Variants in KIF13A observed in about 807,000 individuals in gnomAD.
The protein encoded by KIF13A is kinesin family member 13A, also known as kinesin-like protein KIF13A.
In KIF13A, 79 loss-of-function variants were observed where a neutral mutation model predicts 212.2. The ratio of observed to expected loss-of-function variants is 0.37; its 90% confidence interval spans 0.31 to 0.45. The LOEUF is 0.45. Among genes scored for constraint, KIF13A ranks in the 20% least tolerant of loss-of-function variants. The pLI, the probability that KIF13A is intolerant of heterozygous loss-of-function variation, is 1.00. For missense variants in KIF13A, 1,901 were observed against 2,209.0 expected, an observed-to-expected ratio of 0.86 and a Z score of 2.79; for synonymous variants, 789 against 808.6, an observed-to-expected ratio of 0.98 and a Z score of 0.41.
intron 2 of KIF13A, among the ~76,000 whole-genome samples, chr6:17,931,442 T>C (rs953180141): frequency 6.6e-6 from 1 of 150,686 alleles, no homozygotes; most frequent in African/African-American, 2.4e-5. Context: ...TTTAGCACCA[T>C]GTAGTAAAAT....
chr6:17,915,468 C>T lies in KIF13A; in HGVS notation c.147-17288G>A, dbSNP rs1414955161. Among the ~76,000 whole-genome samples the T allele has an allele frequency of 6.6e-6, 1 of 152,212 alleles. No individual in the cohort carries two copies. Among genetic ancestry groups the T allele is most frequent in the Non-Finnish European group, 1.5e-5 (1 of 68,046 alleles). On this transcript the variant is annotated intron_variant, in intron 2 of 38. Transcript: ENST00000259711. The surrounding 1 kb of genome is among the most constrained non-coding windows in gnomAD (Gnocchi z 4.4). ...TTCAGCCATTTATTTTACCTACAAA[C>T]TTCTTTTCTCCATCTTCCATAGAAG...
chr6:17,802,613 G>C (rs915972887), intron 20 of KIF13A, among the ~76,000 whole-genome samples: 1 of 151,316 alleles, frequency 6.6e-6, no homozygotes, highest in East Asian at 1.9e-4. Context: ...TCTTTTTAAT[G>C]CTTTTCGATA....
intron 3 of KIF13A, 29 bp from the exon 4 acceptor site, chr6:17,873,466 A>T: frequency 4.2e-6 from 6 of 1,442,868 alleles, no homozygotes; most frequent in South Asian, 1.2e-5. Flanking sequence ...TATTAAACTT[A>T]AAGATTAATT....
chr6:17,948,585 A>C (rs111587858), intron 2 of KIF13A, among the ~76,000 whole-genome samples: 1,329 of 88,470 alleles, frequency 0.015, 20 homozygotes, highest in African/African-American at 0.058. Context: ...TTTTTTTGAG[A>C]CAAGTCTCAC....
Position 17,897,619 on chromosome 6 carries a change from A to G in KIF13A, c.159+549T>C, listed in dbSNP as rs1201153929. Among the ~76,000 whole-genome samples, 1 of 152,228 alleles carries G rather than the reference A, an allele frequency of 6.6e-6. No homozygotes were observed. The highest frequency in any genetic ancestry group is 2.1e-4 in the South Asian group (1 of 4,834). Reference sequence around the variant, plus strand: ...TAACTAGTGGCCATTGTGATGGGCTAGGAACTCCAATGAGGCATATAAAGT... The same window carrying G: ...TAACTAGTGGCCATTGTGATGGGCTGGGAACTCCAATGAGGCATATAAAGT... On this transcript the variant is annotated intron_variant, in intron 3 of 38. Coordinates refer to ENST00000259711, the MANE Select transcript of KIF13A (RefSeq NM_022113.6). This position sits in a 1 kb window ranked among gnomAD's most constrained non-coding sequence, Gnocchi z 4.8.
At chr6:17,905,048 T>C (rs1773375977) in intron 2 of KIF13A, among the ~76,000 whole-genome samples, 3 of 152,334 alleles carry the variant, frequency 2.0e-5, no homozygotes, top group Admixed American at 6.5e-5. Flanking sequence ...ACGGGCCTCA[T>C]GGGGCCCAGG....
chr6:17,792,179 G>A (rs2150320909), intron 25 of KIF13A, among the ~76,000 whole-genome samples: 1 of 143,338 alleles, frequency 7.0e-6, no homozygotes, highest in East Asian at 2.0e-4. Flanking sequence ...CTCCAGCCTA[G>A]GGGACAGAGT....
In KIF13A at chr6:17,919,907, G is replaced by A. The variant is rs1192439930; in HGVS notation, c.147-21727C>T. Reference sequence around the variant, plus strand: ...AGTGTTTGAAGGAATAAGCTCCAGTGATCTGAAAAATTAACTTCTATTAAA... The same window carrying A: ...AGTGTTTGAAGGAATAAGCTCCAGTAATCTGAAAAATTAACTTCTATTAAA... On this transcript the variant is annotated intron_variant, in intron 2 of 38. Transcript: ENST00000259711. The surrounding 1 kb of genome is among the most constrained non-coding windows in gnomAD (Gnocchi z 4.1). 6.6e-6 allele frequency among the ~76,000 whole-genome samples: 1 copy of A among 152,192 alleles called. No homozygotes were observed. Among genetic ancestry groups the A allele is most frequent in the Non-Finnish European group, 1.5e-5 (1 of 68,034 alleles).
chr6:17,876,838 T>C (rs1250519089), intron 3 of KIF13A, among the ~76,000 whole-genome samples: 1 of 152,168 alleles, frequency 6.6e-6, no homozygotes, highest in Non-Finnish European at 1.5e-5. Flanking sequence ...CTTCGCCATG[T>C]TGCCCAGACT....
chr6:17,775,319 G>A (rs1192569024), intron 34 of KIF13A, among the ~76,000 whole-genome samples: 4 of 152,116 alleles, frequency 2.6e-5, no homozygotes, highest in Admixed American at 2.6e-4. Flanking sequence ...CACATAAGTG[G>A]TATCTTACTA....
chr6:17,849,296 C>T lies in KIF13A; in HGVS notation c.830+81G>A. 1.1e-6 allele frequency: 1 copy of T among 948,652 alleles called. No individual in the cohort carries two copies. Among genetic ancestry groups the T allele is most frequent in the Admixed American group, 2.3e-5 (1 of 43,700 alleles). The allele number at this position is 948,652 out of a possible 1,614,324, so 58.8% of individuals were successfully genotyped here. The stretch of plus-strand genomic sequence containing the variant: ...TACAGACTTTAAACAACCTGTACAT[C>T]AGAACCATCTGACCCTCATAATGCA... On this transcript the variant is annotated intron_variant, in intron 9 of 38. Transcript: ENST00000259711. The surrounding 1 kb of genome is among the most constrained non-coding windows in gnomAD (Gnocchi z 5.7).
At chr6:17,874,747 G>C (rs1384716545) in intron 3 of KIF13A, among the ~76,000 whole-genome samples, 1 of 151,730 alleles carries the variant, frequency 6.6e-6, no homozygotes, top group African/African-American at 2.4e-5. Flanking sequence ...CATATTTGTA[G>C]TCTTTTATCC....
intron 6 of KIF13A, among the ~76,000 whole-genome samples, chr6:17,853,557 A>T (rs1370919944): frequency 6.6e-6 from 1 of 152,218 alleles, no homozygotes; most frequent in East Asian, 1.9e-4. Flanking sequence ...ATGCTTTCAG[A>T]GCAGCACTCT....
At chr6:17,778,314 G>A (rs1760179964) in intron 33 of KIF13A, among the ~76,000 whole-genome samples, 1 of 152,130 alleles carries the variant, frequency 6.6e-6, no homozygotes, top group African/African-American at 2.4e-5. Context: ...TACTCATGCA[G>A]CAATTCAGGT....
At chr6:17,960,856 A>C (rs1444450866) in intron 2 of KIF13A, among the ~76,000 whole-genome samples, 1 of 152,226 alleles carries the variant, frequency 6.6e-6, no homozygotes, top group Non-Finnish European at 1.5e-5. Context: ...TTCGTCATCA[A>C]GGAGTGAATT....
chr6:17,785,661 G>C lies in KIF13A; in HGVS notation c.3362-20C>G. On this transcript the variant is annotated intron_variant, in intron 27 of 38. Transcript: ENST00000259711. The surrounding 1 kb of genome is among the most constrained non-coding windows in gnomAD (Gnocchi z 5.8). ...TTTTCTCTGCAGAAAAAAATGAGGA[G>C]ATCAATGCCAACAAGAGAGAAAGTA... The C allele has an allele frequency of 6.3e-7, 1 of 1,593,898 alleles. No homozygotes were observed. The highest frequency in any genetic ancestry group is 8.5e-7 in the Non-Finnish European group (1 of 1,170,234).
At chr6:17,965,560 A>C (rs1779228122) in intron 2 of KIF13A, among the ~76,000 whole-genome samples, 1 of 152,238 alleles carries the variant, frequency 6.6e-6, no homozygotes, top group African/African-American at 2.4e-5. Context: ...TCTTTTTAGC[A>C]GCAGGAAGGA....
Position 17,837,598 on chromosome 6 carries a change from T to A in KIF13A, c.831-15A>T. ...TTGTAAGCGATCTGTCAAGAAAAAA[T>A]GAAAAATTAGTTTTATGGAATGTTT... On this transcript the variant is annotated splice_polypyrimidine_tract_variant and intron_variant, in intron 9 of 38. Coordinates refer to ENST00000259711, the MANE Select transcript of KIF13A (RefSeq NM_022113.6). The surrounding 1 kb of genome is among the most constrained non-coding windows in gnomAD (Gnocchi z 5.4). 6.6e-7 allele frequency: 1 copy of A among 1,515,736 alleles called. No individual in the cohort carries two copies. Among genetic ancestry groups the A allele is most frequent in the Admixed American group, 1.9e-5 (1 of 53,200 alleles). The allele number at this position is 1,515,736 out of a possible 1,614,324, so 93.9% of individuals were successfully genotyped here. A position where few individuals can be genotyped will look rare whatever the true frequency, so the allele number is the denominator to read the frequency against.
chr6:17,984,403 G>T lies in KIF13A; in HGVS notation c.146+2651C>A. The stretch of plus-strand genomic sequence containing the variant: ...CAAATCCATGTGTCTTAATGTTTCA[G>T]AATGGTGATCAGTATACATATCAAC... On this transcript the variant is annotated intron_variant, in intron 2 of 38. Coordinates refer to ENST00000259711, the MANE Select transcript of KIF13A (RefSeq NM_022113.6). This position sits in a 1 kb window ranked among gnomAD's most constrained non-coding sequence, Gnocchi z 5.0. 2.6e-6 allele frequency: 1 copy of T among 388,324 alleles called. No homozygotes were observed. Among genetic ancestry groups the T allele is most frequent in the Non-Finnish European group, 3.5e-6 (1 of 284,462 alleles). 24.1% of individuals were successfully genotyped at this position (388,324 alleles called of 1,614,324 possible).
Sources: gnomAD v4.1 joint callset for allele counts (sites outside exome capture counted in the v4.1 genomes callset) on GRCh38, gnomAD v4.1.1 for gene constraint, Gnocchi (gnomAD v3.1) non-coding constraint, MANE v1.5 for transcripts, NCBI Gene and HGNC (gene_info 2026-07-23, HGNC 2026-07-21) for gene names.